PCDHA1: variants seen among roughly 807,000 people sequenced by gnomAD.
The protein encoded by PCDHA1 is protocadherin alpha-1.
Under a neutral mutation model 61.3 loss-of-function variants are expected in PCDHA1, and 42 were observed. The ratio of observed to expected loss-of-function variants is 0.69; its 90% CI spans 0.54 to 0.89. PCDHA1 has a LOEUF of 0.89. PCDHA1 is among the 40% of genes least tolerant of loss of function. The pLI, the probability that PCDHA1 is intolerant of heterozygous loss-of-function variation, is 0.00. For missense variants in PCDHA1, 1,256 were observed against 1,235.3 expected (o/e 1.02, Z -0.25); for synonymous variants, 610 against 553.8 (o/e 1.10, Z -1.43).
At chr5:140,938,427 T>G (rs992312670) in intron 1 of PCDHA1, among the ~76,000 whole-genome samples, 3 of 152,206 alleles carry the variant, frequency 2.0e-5, no homozygotes, top group African/African-American at 7.2e-5. Flanking sequence ...GCAAAAATCC[T>G]TTATCAGATT....
At chr5:140,793,227 G>C (rs1276264843) in intron 1 of PCDHA1, among the ~76,000 whole-genome samples, 1 of 152,170 alleles carries the variant, frequency 6.6e-6, no homozygotes, top group Non-Finnish European at 1.5e-5. Context: ...AAGTTCAGCA[G>C]GGGAAAAGGA....
At chr5:140,861,327 T>C (rs1363614329) in intron 1 of PCDHA1, 2 of 243,212 alleles carry the variant, frequency 8.2e-6, no homozygotes, top group Middle Eastern at 1.5e-3. Flanking sequence ...CACTACACCA[T>C]CCTGGAAGAG....
At chr5:140,870,848 G>A in intron 1 of PCDHA1, 1 of 1,613,876 alleles carries the variant, frequency 6.2e-7, no homozygotes, top group East Asian at 2.2e-5. Context: ...CTAGTACCGC[G>A]GTCGGTGGGT....
At chr5:140,876,262 C>T (rs1554168436) in intron 1 of PCDHA1, 2 of 1,614,012 alleles carry the variant, frequency 1.2e-6, no homozygotes, top group South Asian at 2.2e-5. Context: ...AGTGATCCAA[C>T]TAAATGCTTC....
chr5:140,829,594 G>A (rs141465004), intron 1 of PCDHA1: 1 of 1,611,864 alleles, frequency 6.2e-7, no homozygotes, highest in African/African-American at 1.3e-5. Flanking sequence ...GGGTGGGCGA[G>A]CGCGCGTTGT....
At chr5:140,853,449 G>C (rs1331170631) in intron 1 of PCDHA1, 1 of 979,994 alleles carries the variant, frequency 1.0e-6, no homozygotes, top group East Asian at 1.1e-4. Flanking sequence ...TGCCTAATAG[G>C]TCTCCTTATA....
intron 1 of PCDHA1, chr5:140,829,543 G>T (rs2150169755): frequency 1.2e-6 from 2 of 1,612,982 alleles, no homozygotes; most frequent in African/African-American, 1.3e-5. Context: ...ACGCGGACGC[G>T]CAGGAGAACG....
At chr5:140,841,682 G>C (rs2150320729) in intron 1 of PCDHA1, 34 of 1,613,844 alleles carry the variant, frequency 2.1e-5, no homozygotes, top group Non-Finnish European at 2.5e-6. Flanking sequence ...CCATGTGGAC[G>C]TGGAGGTGAA....
At chr5:140,913,706 C>A (rs1431880255) in intron 1 of PCDHA1, among the ~76,000 whole-genome samples, 4 of 152,054 alleles carry the variant, frequency 2.6e-5, no homozygotes, top group Non-Finnish European at 5.9e-5. Context: ...CCAATGTAGG[C>A]AATTACAGCT....
chr5:140,856,884 C>T, intron 1 of PCDHA1: 1 of 1,596,124 alleles, frequency 6.3e-7, no homozygotes. Context: ...ATGATGTATT[C>T]ATTTAGCTCT....
chr5:140,905,399 A>AT (rs1414882789), intron 1 of PCDHA1, among the ~76,000 whole-genome samples: 8 of 152,142 alleles, frequency 5.3e-5, no homozygotes, highest in African/African-American at 1.9e-4. Context: ...CTGTGTGCCT[A>AT]TTTTTATACC....
In PCDHA1 at chr5:141,011,714, C is replaced by G. The variant is rs2098421596; in HGVS notation, c.*1777C>G. On this transcript the variant is annotated 3_prime_UTR_variant, in exon 4 of 4. Transcript: ENST00000504120. ...TTTTGGAATGAATACTGACAATATT[C>G]CATGAGGGTGTGCAAGCACAAATTT... 1 of 153,650 alleles carries G rather than the reference C, an allele frequency of 6.5e-6. No individual in the cohort carries two copies. Among genetic ancestry groups the G allele is most frequent in the South Asian group, 2.1e-4 (1 of 4,822 alleles). 9.5% of individuals were successfully genotyped at this position (153,650 alleles called of 1,614,324 possible).
intron 1 of PCDHA1, among the ~76,000 whole-genome samples, chr5:140,799,679 C>T (rs1327248233): frequency 6.6e-6 from 1 of 151,928 alleles, no homozygotes; most frequent in Non-Finnish European, 1.5e-5. Flanking sequence ...ATAATTTATC[C>T]TATTCTAAAT....
intron 1 of PCDHA1, chr5:140,822,388 C>T: frequency 6.2e-7 from 1 of 1,614,066 alleles, no homozygotes; most frequent in Admixed American, 1.7e-5. Context: ...AGAAGAAACA[C>T]AAGAACACCG....
intron 1 of PCDHA1, chr5:140,969,328 T>C (rs2096319778): frequency 1.2e-6 from 2 of 1,614,124 alleles, no homozygotes; most frequent in Admixed American, 1.7e-5. Flanking sequence ...TTTCTCAAAA[T>C]GAGGTGAGAC....
At chr5:140,967,141 G>T in intron 1 of PCDHA1, 2 of 1,611,258 alleles carry the variant, frequency 1.2e-6, no homozygotes, top group South Asian at 1.1e-5. Flanking sequence ...AAGTGCTGGC[G>T]CACAACCCCG....
intron 1 of PCDHA1, chr5:140,803,225 C>A (rs1554122653): frequency 5.6e-6 from 9 of 1,613,852 alleles, no homozygotes; most frequent in Non-Finnish European, 6.8e-6. Context: ...GCCAGGCACC[C>A]AAGGCCTCGT....
At chr5:140,831,422 C>A (rs1252502476) in intron 1 of PCDHA1, among the ~76,000 whole-genome samples, 1 of 151,184 alleles carries the variant, frequency 6.6e-6, no homozygotes, top group East Asian at 1.9e-4. Context: ...TACAGTGGTG[C>A]AATAATGGCT....
At chr5:140,801,090 C>T (rs781796014) in intron 1 of PCDHA1, 113 of 1,493,970 alleles carry the variant, frequency 7.6e-5, no homozygotes, top group Non-Finnish European at 9.4e-5. Context: ...GCTTCATCCT[C>T]TCTAAAATTT....
Sources: allele counts gnomAD v4.1 joint callset (sites outside exome capture counted in the v4.1 genomes callset), GRCh38; gene constraint gnomAD v4.1.1; transcripts MANE v1.5; gene names NCBI Gene and HGNC (gene_info 2026-07-23, HGNC 2026-07-21).